Variants in CAVIN1 observed in about 807,000 individuals in gnomAD.
The protein encoded by CAVIN1 is caveolae-associated protein 1.
CAVIN1 carries 16 observed loss-of-function variants against 24.0 expected under a neutral mutation model. That is an observed-to-expected ratio of 0.67 (90% CI 0.45 to 1.01). The LOEUF (loss-of-function observed/expected upper bound fraction) is 1.01, where lower values mean the gene tolerates loss of function less well. CAVIN1 is among the 50% of genes least tolerant of loss of function. The pLI is 0.00. For synonymous variants in CAVIN1, 256 were observed against 256.4 expected (o/e 1.00, Z 0.02); for missense variants, 510 against 551.7 (o/e 0.92, Z 0.76).
rs60085741 is a variant in CAVIN1, at chr17:42,413,566, G to GA, written c.472-8179dup. On this transcript the variant is annotated intron_variant, in intron 1 of 1. Transcript: ENST00000357037. ...AGAGCAAAAGTCTGTCTCAAAAAGG[G>GA]AAAAAAAAAAAAAAAAAAAAAAAAA... is the stretch of plus-strand genomic sequence containing the variant. Among the ~76,000 whole-genome samples the GA allele has an allele frequency of 5.1e-3, 288 of 56,890 alleles. 1 individual carries two copies. Among genetic ancestry groups the GA allele is most frequent in the African/African-American group, 0.02 (268 of 13,488 alleles). The allele number at this position is 56,890 out of a possible 152,430, so 37.3% of individuals were successfully genotyped here.
rs1208333431 is a variant in CAVIN1 at position 42,404,632 on chromosome 17, C to A, written c.*55G>T. The A allele has an allele frequency of 5.7e-6, 7 of 1,218,536 alleles. No homozygotes were observed. The highest frequency in any genetic ancestry group is 3.6e-5 in the Admixed American group (1 of 27,490). 75.5% of individuals were successfully genotyped at this position (1,218,536 alleles called of 1,614,324 possible). A position where few individuals can be genotyped will look rare whatever the true frequency, so the allele number is the denominator to read the frequency against. On this transcript the variant is annotated 3_prime_UTR_variant, in exon 2 of 2. Coordinates refer to ENST00000357037, the MANE Select transcript of CAVIN1 (RefSeq NM_012232.6). The stretch of plus-strand genomic sequence containing the variant: ...AGCCAGCTCGAGCCGAGAGAGAATG[C>A]GAAAGAGGAAGTTCGGAAGGAGCGA...
intron 1 of CAVIN1, among the ~76,000 whole-genome samples, chr17:42,420,521 T>C (rs2085538925): frequency 6.6e-6 from 1 of 152,238 alleles, no homozygotes; most frequent in Non-Finnish European, 1.5e-5. Flanking sequence ...ATTCCCTCTG[T>C]GGGTTTGGGA....
chr17:42,408,124 T>C (rs2085456277), intron 1 of CAVIN1, among the ~76,000 whole-genome samples: 1 of 152,062 alleles, frequency 6.6e-6, no homozygotes, highest in South Asian at 2.1e-4. Context: ...GCCCCTCCTT[T>C]CACTAAACTC....
At chr17:42,421,701 C>T (rs2085547068) in intron 1 of CAVIN1, among the ~76,000 whole-genome samples, 1 of 152,172 alleles carries the variant, frequency 6.6e-6, no homozygotes. Flanking sequence ...GGGAGAGCTG[C>T]AAAGAAAGCA....
intron 1 of CAVIN1, among the ~76,000 whole-genome samples, chr17:42,416,800 C>G (rs1418490812): frequency 2.0e-5 from 3 of 151,922 alleles, no homozygotes; most frequent in South Asian, 4.2e-4. Context: ...GACCAAAGCC[C>G]TGGGTTGAGA....
chr17:42,406,149 C>G (rs960711661), intron 1 of CAVIN1, among the ~76,000 whole-genome samples: 1 of 152,162 alleles, frequency 6.6e-6, no homozygotes, highest in Non-Finnish European at 1.5e-5. Context: ...CCCTTTCCAC[C>G]CGTAGATGAT....
At chr17:42,411,207 A>AAAAAAAAAAC (rs758609413) in intron 1 of CAVIN1, among the ~76,000 whole-genome samples, 4 of 127,618 alleles carry the variant, frequency 3.1e-5, no homozygotes, top group African/African-American at 5.6e-5. Context: ...AAAAAAAAAA[A>AAAAAAAAAAC]AACTAAAAGG....
Position 42,405,386 on chromosome 17 carries a change from A to G in CAVIN1, c.474T>C (p.Asp158=). The change falls in exon 2 of 2, where the codon GAT becomes GAC. Residue 158 remains aspartate (D), a splice_region_variant and synonymous_variant. Transcript: ENST00000357037. The part of the protein sequence containing the change: ...RRNFKVMIYQ[D]EVKLPAKLSI... ...TCAGTTTGGCCGGCAGCTTCACTTC[A>G]TCCTAAGGGAAGAGGAGAAGGGACA... The G allele has an allele frequency of 6.2e-7, 1 of 1,603,656 alleles. No individual in the cohort carries two copies. Among genetic ancestry groups the G allele is most frequent in the South Asian group, 1.1e-5 (1 of 91,066 alleles).
In CAVIN1 at chr17:42,404,491, C is replaced by A. The variant is rs2085429643; in HGVS notation, c.*196G>T. 2 of 462,152 alleles carry A rather than the reference C, an allele frequency of 4.3e-6. No homozygotes were observed. Among genetic ancestry groups the A allele is most frequent in the Admixed American group, 4.3e-5 (1 of 23,308 alleles). 28.6% of individuals were successfully genotyped at this position (462,152 alleles called of 1,614,324 possible). A position where few individuals can be genotyped will look rare whatever the true frequency, so the allele number is the denominator to read the frequency against. ...CCATTCCACTCGGACTGTGTCCAAGCGGGGGTTGTCCACTGCGGGGGCTGC... is the reference window on the plus strand; with the variant it reads ...CCATTCCACTCGGACTGTGTCCAAGAGGGGGTTGTCCACTGCGGGGGCTGC... On this transcript the variant is annotated 3_prime_UTR_variant, in exon 2 of 2. Transcript: ENST00000357037.
chr17:42,413,989 C>G (rs2085497254), intron 1 of CAVIN1, among the ~76,000 whole-genome samples: 1 of 152,142 alleles, frequency 6.6e-6, no homozygotes, highest in South Asian at 2.1e-4. Flanking sequence ...CCTCTGCCTC[C>G]TGAGTTCAAG....
chr17:42,413,245 A>G (rs1341737100), intron 1 of CAVIN1, among the ~76,000 whole-genome samples: 1 of 151,824 alleles, frequency 6.6e-6, no homozygotes, highest in Non-Finnish European at 1.5e-5. Flanking sequence ...CTAGAAACTC[A>G]TTTTAAATGC....
At chr17:42,408,783 G>GC (rs1334972307) in intron 1 of CAVIN1, among the ~76,000 whole-genome samples, 1 of 134,764 alleles carries the variant, frequency 7.4e-6, no homozygotes, top group East Asian at 2.3e-4. Flanking sequence ...AAGCCACCGT[G>GC]CCCGGCCTTT....
rs554958297 is a variant in CAVIN1, at chr17:42,404,499, G to C, written c.*188C>G. ...CTCGGACTGTGTCCAAGCGGGGGTT[G>C]TCCACTGCGGGGGCTGCCTCCCCAT... is the stretch of plus-strand genomic sequence containing the variant. On this transcript the variant is annotated 3_prime_UTR_variant, in exon 2 of 2. Transcript: ENST00000357037. The C allele has an allele frequency of 2.1e-6, 1 of 471,404 alleles. No individual in the cohort carries two copies. The highest frequency in any genetic ancestry group is 2.1e-5 in the African/African-American group (1 of 47,666). The allele number at this position is 471,404 out of a possible 1,614,324, so 29.2% of individuals were successfully genotyped here.
chr17:42,411,207 A>AAAAAAAAAAAAAAACAAAC (rs758609413), intron 1 of CAVIN1, among the ~76,000 whole-genome samples: 2 of 127,528 alleles, frequency 1.6e-5, no homozygotes, highest in East Asian at 3.2e-4. Context: ...AAAAAAAAAA[A>AAAAAAAAAAAAAAACAAAC]AACTAAAAGG....
At position 42,415,984 on chromosome 17, in the gene CAVIN1, GT is replaced by G. The variant is rs1398831882; in HGVS notation, c.471+6642del. ...TAAAAAGGCCGCGTGGCTCACGCCT[GT>G]AACCCCAGCACTTTGGGCGGCCAAG... On this transcript the variant is annotated intron_variant, in intron 1 of 1. Transcript: ENST00000357037. 2.6e-5 allele frequency among the ~76,000 whole-genome samples: 4 copies of G among 152,174 alleles called. No individual in the cohort carries two copies. The East Asian group carries it at 7.7e-4, about 29-fold the overall frequency.
chr17:42,407,135 C>A (rs1396834829), intron 1 of CAVIN1, among the ~76,000 whole-genome samples: 1 of 149,268 alleles, frequency 6.7e-6, no homozygotes, highest in African/African-American at 2.5e-5. Context: ...ATTTCAGAAT[C>A]TCTGGATCAC....
chr17:42,404,776 G>T lies in CAVIN1; in HGVS notation c.1084C>A (p.Arg362=). ...TGCACGTCGGGGCTGCTCCCGCGCC[G>T]CAGGTCGCCGGCCTCCCCGCGCTCC... ...GAERGEAGDL[R]RGSSPDVHAL... is the part of the protein sequence containing the mutation. Residue 362 remains arginine, a synonymous_variant, in exon 2 of 2, where the codon CGG becomes AGG. Coordinates refer to ENST00000357037, the MANE Select transcript of CAVIN1 (RefSeq NM_012232.6). The T allele has an allele frequency of 1.9e-6, 3 of 1,584,986 alleles. No homozygotes were observed. Among genetic ancestry groups the T allele is most frequent in the Non-Finnish European group, 1.7e-6 (2 of 1,167,078 alleles).
In CAVIN1 at chr17:42,413,565, GGAAAAAAAA is replaced by G. The variant is rs1567779237; in HGVS notation, c.472-8186_472-8178del. The stretch of plus-strand genomic sequence containing the variant: ...CAGAGCAAAAGTCTGTCTCAAAAAG[GGAAAAAAAA>G]AAAAAAAAAAAAAAAAAAAAAAAAA... On this transcript the variant is annotated intron_variant, in intron 1 of 1. Coordinates refer to ENST00000357037, the MANE Select transcript of CAVIN1 (RefSeq NM_012232.6). Among the ~76,000 whole-genome samples, 4 of 62,608 alleles carry G rather than the reference GGAAAAAAAA, an allele frequency of 6.4e-5. No individual in the cohort carries two copies. In the South Asian group the frequency reaches 1.5e-3, roughly 24 times the overall value. 41.1% of individuals were successfully genotyped at this position (62,608 alleles called of 152,430 possible).
chr17:42,422,546 A>G (rs1477498538), intron 1 of CAVIN1, 81 bp downstream of exon 1: 8 of 884,800 alleles, frequency 9.0e-6, no homozygotes, highest in Non-Finnish European at 1.3e-5. Context: ...CGCCACGGGC[A>G]GGTCTCCCCA....
Sources: allele counts gnomAD v4.1 joint callset (sites outside exome capture counted in the v4.1 genomes callset), GRCh38; gene constraint gnomAD v4.1.1; transcripts MANE v1.5; gene names NCBI Gene and HGNC (gene_info 2026-07-23, HGNC 2026-07-21).